The following PCDHGA7 variants were observed in gnomAD, a reference collection of about 807,000 sequenced individuals.
PCDHGA7 encodes protocadherin gamma-A7.
PCDHGA7 carries 44 observed loss-of-function variants against 58.3 expected under a neutral mutation model. The ratio of observed to expected loss-of-function variants is 0.75; its 90% CI spans 0.59 to 0.97. The LOEUF is 0.97. Ranked by LOEUF, PCDHGA7 falls within the 50% of genes least tolerant of loss-of-function variation. The pLI, the probability that PCDHGA7 is intolerant of heterozygous loss-of-function variation, is 0.00. For missense variants in PCDHGA7, 1,266 were observed against 1,188.7 expected, an observed-to-expected ratio of 1.06 and a Z score of -0.96; for synonymous variants, 516 against 504.2, an observed-to-expected ratio of 1.02 and a Z score of -0.31.
At position 141,476,402 on chromosome 5, in the gene PCDHGA7, G is replaced by A. The variant is rs775511298; in HGVS notation, c.2425-18405G>A. The stretch of plus-strand genomic sequence containing the variant: ...TGTGAACGACCGTCTGGATCGAGAG[G>A]AGCTGTGTGGGACACTGCCCTCTTG... On this transcript the variant is annotated intron_variant, in intron 1 of 3. Coordinates refer to ENST00000518325, the MANE Select transcript of PCDHGA7 (RefSeq NM_018920.4). This position sits in a 1 kb window ranked among gnomAD's most constrained non-coding sequence, Gnocchi z 7.6. 9 of 1,613,992 alleles carry A rather than the reference G, an allele frequency of 5.6e-6. No individual in the cohort carries two copies. Among genetic ancestry groups the A allele is most frequent in the African/African-American group, 1.3e-5 (1 of 74,904 alleles).
At chr5:141,442,253 G>A (rs910914393) in intron 1 of PCDHGA7, 2 of 153,064 alleles carry the variant, frequency 1.3e-5, no homozygotes, top group Non-Finnish European at 2.9e-5. Flanking sequence ...TGCATTGTTT[G>A]TGCTGGTTTT....
chr5:141,389,487 C>T (rs997165354), intron 1 of PCDHGA7: 2 of 1,612,906 alleles, frequency 1.2e-6, no homozygotes, highest in African/African-American at 1.3e-5. Context: ...GGCCCGCGAC[C>T]AGGGCTCGCC....
At chr5:141,393,167 G>A (rs889451396) in intron 1 of PCDHGA7, 9 of 1,613,166 alleles carry the variant, frequency 5.6e-6, no homozygotes, top group Non-Finnish European at 7.6e-6. Flanking sequence ...AACTCTTTGG[G>A]GTAGAAATAG....
chr5:141,409,179 G>A, intron 1 of PCDHGA7: 1 of 1,613,988 alleles, frequency 6.2e-7, no homozygotes. Context: ...GACGGAGGTG[G>A]TCTCTCTACC....
At chr5:141,475,103 G>A (rs771784343) in intron 1 of PCDHGA7, among the ~76,000 whole-genome samples, 1 of 152,176 alleles carries the variant, frequency 6.6e-6, no homozygotes, top group Non-Finnish European at 1.5e-5. Flanking sequence ...AAGATCCTAG[G>A]TGGTAAATAG....
In PCDHGA7 at chr5:141,431,023, C is replaced by T. The variant is rs374655655; in HGVS notation, c.2424+45700C>T. 1 of 1,613,748 alleles carries T rather than the reference C, an allele frequency of 6.2e-7. No homozygotes were observed. On this transcript the variant is annotated intron_variant, in intron 1 of 3. Coordinates refer to ENST00000518325, the MANE Select transcript of PCDHGA7 (RefSeq NM_018920.4). This position sits in a 1 kb window ranked among gnomAD's most constrained non-coding sequence, Gnocchi z 4.8. Reference sequence around the variant, plus strand: ...GCAGCGGCAGCTTGGTCACGGCGGGCAGGATAGACCGGGAGGAGCTCTGTA... The same window carrying T: ...GCAGCGGCAGCTTGGTCACGGCGGGTAGGATAGACCGGGAGGAGCTCTGTA...
intron 1 of PCDHGA7, chr5:141,389,258 C>G: frequency 6.2e-7 from 1 of 1,614,022 alleles, no homozygotes; most frequent in Non-Finnish European, 8.5e-7. Context: ...ATATAGTCCA[C>G]GTGGCCGAGA....
chr5:141,478,327 A>G lies in PCDHGA7; in HGVS notation c.2425-16480A>G, dbSNP rs149317962. The G allele has an allele frequency of 9.9e-6, 16 of 1,613,974 alleles. No homozygotes were observed. The African/African-American group carries it at 2.0e-4, about 20-fold the overall frequency. The stretch of plus-strand genomic sequence containing the variant: ...CCCCGGTGAGCTCACTGTACCGAAC[A>G]CCAGGGCCCTCCTTGCACGCGGACG... On this transcript the variant is annotated intron_variant, in intron 1 of 3. Transcript: ENST00000518325.
chr5:141,494,923 G>A lies in PCDHGA7; in HGVS notation c.2483+58G>A, dbSNP rs572227346. Reference sequence around the variant, plus strand: ...TCTGCGGCATTTTCTCAGGGATGACGTGGGAGGAGATGGGGGAGGGCCCAG... The same window carrying A: ...TCTGCGGCATTTTCTCAGGGATGACATGGGAGGAGATGGGGGAGGGCCCAG... On this transcript the variant is annotated intron_variant, in intron 2 of 3. Coordinates refer to ENST00000518325, the MANE Select transcript of PCDHGA7 (RefSeq NM_018920.4). The A allele has an allele frequency of 8.9e-5, 143 of 1,613,698 alleles. 1 individual carries two copies. In the Middle Eastern group the frequency reaches 1.8e-3, roughly 20 times the overall value.
At chr5:141,428,055 G>T in intron 1 of PCDHGA7, 1 of 1,609,070 alleles carries the variant, frequency 6.2e-7, no homozygotes, top group Non-Finnish European at 8.5e-7. Context: ...CAAGGTGGTG[G>T]CGGTGGACGC....
intron 1 of PCDHGA7, chr5:141,388,796 A>G: frequency 6.2e-7 from 1 of 1,613,952 alleles, no homozygotes; most frequent in Non-Finnish European, 8.5e-7. Flanking sequence ...TTTTAAATAC[A>G]TTAGATTTTG....
At chr5:141,441,797 G>T in intron 1 of PCDHGA7, 1 of 386,536 alleles carries the variant, frequency 2.6e-6, no homozygotes, top group Non-Finnish European at 5.2e-6. Context: ...ACAACGCACC[G>T]CGGGTGCTGT....
At chr5:141,388,457 C>A in intron 1 of PCDHGA7, 1 of 1,613,814 alleles carries the variant, frequency 6.2e-7, no homozygotes, top group Non-Finnish European at 8.5e-7. Flanking sequence ...GCAGTAAATA[C>A]CCTGAGATGG....
chr5:141,481,066 A>G (rs1366968394), intron 1 of PCDHGA7, among the ~76,000 whole-genome samples: 1 of 152,156 alleles, frequency 6.6e-6, no homozygotes, highest in Non-Finnish European at 1.5e-5. Flanking sequence ...TCAAAAACAA[A>G]AAGAAAGAAA....
chr5:141,430,666 G>A (rs2097301396), intron 1 of PCDHGA7: 1 of 1,222,518 alleles, frequency 8.2e-7, no homozygotes, highest in Admixed American at 2.7e-5. Flanking sequence ...GAGGAGCTCT[G>A]ACTTCCCAAC....
At chr5:141,427,397 T>C (rs944166415) in intron 1 of PCDHGA7, 2 of 460,626 alleles carry the variant, frequency 4.3e-6, no homozygotes, top group South Asian at 1.5e-5. Flanking sequence ...AAACACATGA[T>C]AAAGATTCGA....
chr5:141,398,171 C>T (rs773536231), intron 1 of PCDHGA7: 3 of 1,476,352 alleles, frequency 2.0e-6, no homozygotes, highest in Non-Finnish European at 2.7e-6. Flanking sequence ...GAGAGGCTGC[C>T]AGTGCTCTTT....
chr5:141,389,081 G>C (rs371979686), intron 1 of PCDHGA7: 2 of 1,613,978 alleles, frequency 1.2e-6, no homozygotes, highest in Admixed American at 1.7e-5. Flanking sequence ...CAAGAAACAC[G>C]TATAAATTAG....
chr5:141,431,147 G>A lies in PCDHGA7; in HGVS notation c.2424+45824G>A, dbSNP rs1303502732. ...AGAAGTAAGGGACATTAACGACAAT[G>A]CGCCTTACTTTCGTGAAAGTGAATT... On this transcript the variant is annotated intron_variant, in intron 1 of 3. Coordinates refer to ENST00000518325, the MANE Select transcript of PCDHGA7 (RefSeq NM_018920.4). The surrounding 1 kb of genome is among the most constrained non-coding windows in gnomAD (Gnocchi z 4.8). 6.2e-7 allele frequency: 1 copy of A among 1,614,228 alleles called. No homozygotes were observed. The highest frequency in any genetic ancestry group is 1.7e-5 in the Admixed American group (1 of 60,030).
Sources: gnomAD v4.1 joint callset for allele counts (sites outside exome capture counted in the v4.1 genomes callset) on GRCh38, gnomAD v4.1.1 for gene constraint, Gnocchi (gnomAD v3.1) non-coding constraint, MANE v1.5 for transcripts, NCBI Gene and HGNC (gene_info 2026-07-23, HGNC 2026-07-21) for gene names.